The following DYSF variants were observed in gnomAD, a reference collection of about 807,000 sequenced individuals.
DYSF encodes the protein dystrophy-associated fer-1-like 1.
A neutral mutation model predicts 274.9 loss-of-function variants in DYSF; 212 were observed. The ratio of observed to expected loss-of-function variants is 0.77; its 90% CI spans 0.69 to 0.86. The LOEUF (loss-of-function observed/expected upper bound fraction) is 0.86. Among genes scored for constraint, DYSF ranks in the 40% least tolerant of loss-of-function variants. DYSF has a pLI of 0.00. For missense variants in DYSF, 2,666 were observed against 2,783.2 expected (o/e 0.96, Z 0.95); for synonymous variants, 1,091 against 1,078.7 (o/e 1.01, Z -0.22).
At chr2:71,645,103 A>G (rs227778) in intron 42 of DYSF, among the ~76,000 whole-genome samples, 97,038 of 152,028 alleles carry the variant, frequency 0.64, 32,516 homozygotes, top group Non-Finnish European at 0.75. Flanking sequence ...ACAGAGGACT[A>G]TTTCAGCTTA....
upstream of DYSF, among the ~76,000 whole-genome samples, chr2:71,465,240 C>A (rs2081455711): frequency 6.6e-6 from 1 of 152,096 alleles, no homozygotes; most frequent in Non-Finnish European, 1.5e-5. Context: ...GGGATGGGGT[C>A]TATGCCCAAG....
intron 17 of DYSF, among the ~76,000 whole-genome samples, chr2:71,550,095 A>G (rs2090821422): frequency 6.6e-6 from 1 of 152,216 alleles, no homozygotes; most frequent in Non-Finnish European, 1.5e-5. Context: ...TTTTGTGCCT[A>G]CTTTGGCCCA....
At chr2:71,680,942 T>A in intron 53 of DYSF, 59 bp from the exon 54 acceptor site, 2 of 1,480,844 alleles carry the variant, frequency 1.4e-6, no homozygotes, top group Non-Finnish European at 1.9e-6. Flanking sequence ...GCCTGGTTAC[T>A]CTCCAGGCCA....
At position 71,516,197 on chromosome 2, in the gene DYSF, G is replaced by A. The variant is rs916319528; in HGVS notation, c.906G>A (p.Leu302=). Residue 302 remains leucine (L), a synonymous_variant, in exon 9 of 56, where the codon TTG becomes TTA. Transcript: ENST00000410020. The part of the protein sequence containing the change: ...PLFNETLFFN[L]FDSPGELFDE... ...ACCAACAGACTCTTTTCTTCAACTT[G>A]TTTGACTCTCCTGGGGAGCTGTTTG... is the stretch of plus-strand genomic sequence containing the variant. 8 of 1,614,068 alleles carry A rather than the reference G, an allele frequency of 5.0e-6. No homozygotes were observed. In the Admixed American group the frequency reaches 1.0e-4, roughly 20 times the overall value.
In DYSF at chr2:71,656,147, C is replaced by T; in HGVS notation, c.4627-15C>T. The T allele has an allele frequency of 6.2e-7, 1 of 1,614,060 alleles. No homozygotes were observed. The highest frequency in any genetic ancestry group is 8.5e-7 in the Non-Finnish European group (1 of 1,179,994). ...TCTGTCTCTTGTCCCCTCCTCTAAT[C>T]CCCATGTGTGGCAGGTCTATGACAC... On this transcript the variant is annotated splice_polypyrimidine_tract_variant and intron_variant, in intron 42 of 55. Transcript: ENST00000410020.
In DYSF at chr2:71,528,370, C is replaced by A. The variant is rs1348318744; in HGVS notation, c.1349C>A (p.Pro450His). Reference protein sequence around the residue: ...FESNKKNLVDPFVEVSFAGKM... With the variant: ...FESNKKNLVDHFVEVSFAGKM... ...AGTAACAAGAAGAACTTGGTGGACC[C>A]CTTTGTGGAGGTCAGCTTTGCGGGG... Residue 450 changes from proline (P) to histidine (H), a missense_variant, in exon 14 of 56, where the codon CCC (proline) becomes CAC (histidine). Around this residue, in one of 3 missense-constraint regions of DYSF, gnomAD observed 794 missense variants for 777.1 expected, o/e 1.02. Transcript: ENST00000410020. The A allele has an allele frequency of 6.2e-7, 1 of 1,614,116 alleles. No homozygotes were observed. The highest frequency in any genetic ancestry group is 8.5e-7 in the Non-Finnish European group (1 of 1,180,026).
intron 45 of DYSF, among the ~76,000 whole-genome samples, chr2:71,663,502 A>G (rs1042737986): frequency 6.6e-6 from 1 of 152,218 alleles, no homozygotes; most frequent in Non-Finnish European, 1.5e-5. Flanking sequence ...GGCATGGGCC[A>G]GAGTGCAGCT....
intron 22 of DYSF, 98 bp from the exon 23 acceptor site, chr2:71,561,654 G>C (rs576156648): frequency 7.5e-5 from 107 of 1,432,650 alleles, no homozygotes; most frequent in Non-Finnish European, 1.0e-4. Context: ...GCAGGCGGAG[G>C]GGGTGGGGCC....
At chr2:71,570,208 C>A in intron 27 of DYSF, 21 bp from the exon 28 acceptor site, 1 of 1,605,868 alleles carries the variant, frequency 6.2e-7, no homozygotes, top group South Asian at 1.1e-5. Context: ...TCATTGCTTG[C>A]CTGTTCGGTT....
intron 21 of DYSF, among the ~76,000 whole-genome samples, chr2:71,554,231 C>T (rs536776889): frequency 3.9e-5 from 6 of 152,294 alleles, no homozygotes; most frequent in Non-Finnish European, 5.9e-5. Flanking sequence ...GCCTGGCTCT[C>T]GCTCGCTTAC....
rs200480953 is a variant in DYSF at position 71,655,912 on chromosome 2, TCTC to T, written c.4627-243_4627-241del. Among the ~76,000 whole-genome samples, 8,977 of 152,220 alleles carry T rather than the reference TCTC, an allele frequency of 0.059. 740 individuals carry two copies. Among genetic ancestry groups the T allele is most frequent in the African/African-American group, 0.18 (7,659 of 41,498 alleles). On this transcript the variant is annotated intron_variant, in intron 42 of 55. Coordinates refer to ENST00000410020, the MANE Select transcript of DYSF (RefSeq NM_001130987.2). ...CCCTTCCCCTGGAATTTTCTGTCCA[TCTC>T]CTCCTCTGTTCCTTTCTGGCTCCCT...
At chr2:71,515,542 A>G in intron 7 of DYSF, 81 bp from the exon 8 acceptor site, 1 of 1,599,968 alleles carries the variant, frequency 6.3e-7, no homozygotes, top group Non-Finnish European at 8.6e-7. Flanking sequence ...GGTCCCTGAG[A>G]TTTCTGACTC....
intron 34 of DYSF, 71 bp downstream of exon 34, chr2:71,600,913 GC>G: frequency 6.3e-7 from 1 of 1,594,020 alleles, no homozygotes. Context: ...CTCTGTGGGA[GC>G]CTGGAACACC....
intron 17 of DYSF, among the ~76,000 whole-genome samples, chr2:71,543,827 G>C (rs779591276): frequency 9.9e-5 from 15 of 151,770 alleles, no homozygotes; most frequent in Non-Finnish European, 1.5e-4. Context: ...GTCCAGCTTC[G>C]GCTCGGCATC....
intron 3 of DYSF, among the ~76,000 whole-genome samples, chr2:71,493,186 G>A: frequency 6.6e-6 from 1 of 152,154 alleles, no homozygotes; most frequent in East Asian, 1.9e-4. Flanking sequence ...ACAGCACCTG[G>A]CTGATACCAT....
chr2:71,584,877 C>T (rs994266569), intron 30 of DYSF, among the ~76,000 whole-genome samples: 2 of 152,104 alleles, frequency 1.3e-5, no homozygotes, highest in East Asian at 1.9e-4. Context: ...ATGGAGAGGA[C>T]GACATCCCTG....
At chr2:71,543,590 G>C (rs991271166) in intron 17 of DYSF, among the ~76,000 whole-genome samples, 3 of 152,180 alleles carry the variant, frequency 2.0e-5, no homozygotes, top group East Asian at 3.9e-4. Flanking sequence ...CTGAGTGAAC[G>C]AGACTCCATC....
At chr2:71,670,632 C>T (rs2095102991) in intron 51 of DYSF, among the ~76,000 whole-genome samples, 1 of 152,218 alleles carries the variant, frequency 6.6e-6, no homozygotes, top group Non-Finnish European at 1.5e-5. Flanking sequence ...ATTTGGGGAC[C>T]TCGGTCTCTG....
chr2:71,550,905 C>T, intron 17 of DYSF, 136 bp from the exon 18 acceptor site: 1 of 730,064 alleles, frequency 1.4e-6, no homozygotes, highest in Non-Finnish European at 2.5e-6. Context: ...CTTCTTTATA[C>T]ACTGACAGGA....
Sources: gnomAD v4.1 joint callset for allele counts (sites outside exome capture counted in the v4.1 genomes callset) on GRCh38, gnomAD v4.1.1 for gene constraint, gnomAD v4.1.1 regional missense constraint, MANE v1.5 for transcripts, NCBI Gene and HGNC (gene_info 2026-07-23, HGNC 2026-07-21) for gene names.